The following HECTD4 variants were observed in gnomAD, a reference collection of about 807,000 sequenced individuals.
HECTD4 encodes the protein probable E3 ubiquitin-protein ligase HECTD4.
A neutral mutation model predicts 471.5 loss-of-function variants in HECTD4; 114 were observed. That is an observed-to-expected ratio of 0.24 (90% confidence interval 0.21 to 0.28). HECTD4 has a LOEUF of 0.28. HECTD4 is among the 10% of genes least tolerant of loss of function. The pLI, the probability that HECTD4 is intolerant of heterozygous loss-of-function variation, is 1.00. For missense variants in HECTD4, 3,866 were observed against 5,651.5 expected, an observed-to-expected ratio of 0.68 and a Z score of 10.13; for synonymous variants, 2,012 against 2,256.0, an observed-to-expected ratio of 0.89 and a Z score of 3.07.
rs542521476 is a variant in HECTD4, at chr12:112,360,045, T to C, written c.177+21907A>G. On this transcript the variant is annotated intron_variant, in intron 1 of 75. Coordinates refer to ENST00000682272, the MANE Select transcript of HECTD4 (RefSeq NM_001388303.1). ...TCTTCTGGTTTGGATGACAATCACA[T>C]GGACAAGAAGTTACAATGATCTTTC... is the stretch of plus-strand genomic sequence containing the variant. Among the ~76,000 whole-genome samples the C allele has an allele frequency of 1.5e-3, 226 of 152,358 alleles. 4 individuals are homozygous for C. The highest frequency in any genetic ancestry group is 4.6e-4 in the Non-Finnish European group (31 of 68,032).
At chr12:112,180,531 TAAAA>T (rs35992099) in intron 62 of HECTD4, among the ~76,000 whole-genome samples, 8 of 140,190 alleles carry the variant, frequency 5.7e-5, no homozygotes, top group Admixed American at 5.0e-4. Flanking sequence ...TGAGACTGTT[TAAAA>T]AAAAAAAAAC....
chr12:112,221,916 G>A (rs1325223910), intron 44 of HECTD4, among the ~76,000 whole-genome samples: 3 of 148,556 alleles, frequency 2.0e-5, no homozygotes, highest in Admixed American at 6.7e-5. Flanking sequence ...CCCCATGCTC[G>A]GCTGATTTTT....
At position 112,179,526 on chromosome 12, in the gene HECTD4, C is replaced by G; in HGVS notation, c.10988-129G>C. Reference sequence around the variant, plus strand: ...GGACATTAGTGGAAGGAAGAGCTGCCCACCAAAGCCTGGCTCCCTCCCTGG... The same window carrying G: ...GGACATTAGTGGAAGGAAGAGCTGCGCACCAAAGCCTGGCTCCCTCCCTGG... On this transcript the variant is annotated intron_variant, in intron 62 of 75. Transcript: ENST00000682272. The surrounding 1 kb of genome is among the most constrained non-coding windows in gnomAD (Gnocchi z 4.3). 1.2e-6 allele frequency: 1 copy of G among 846,118 alleles called. No individual in the cohort carries two copies. The highest frequency in any genetic ancestry group is 1.6e-5 in the South Asian group (1 of 62,246). The allele number at this position is 846,118 out of a possible 1,614,324, so 52.4% of individuals were successfully genotyped here. A position where few individuals can be genotyped will look rare whatever the true frequency, so the allele number is the denominator to read the frequency against.
intron 1 of HECTD4, among the ~76,000 whole-genome samples, chr12:112,335,167 G>GAC (rs1441996873): frequency 1.7e-4 from 21 of 126,526 alleles, no homozygotes; most frequent in East Asian, 1.2e-3. Flanking sequence ...CACACACACA[G>GAC]ACACACACAC....
Position 112,235,304 on chromosome 12 carries a change from A to C in HECTD4, c.5726-38T>G. 6.3e-7 allele frequency: 1 copy of C among 1,583,376 alleles called. No individual in the cohort carries two copies. The highest frequency in any genetic ancestry group is 8.6e-7 in the Non-Finnish European group (1 of 1,165,298). On this transcript the variant is annotated intron_variant, in intron 36 of 75. Coordinates refer to ENST00000682272, the MANE Select transcript of HECTD4 (RefSeq NM_001388303.1). The surrounding 1 kb of genome is among the most constrained non-coding windows in gnomAD (Gnocchi z 5.0). Reference sequence around the variant, plus strand: ...AACAAAGCTCATTCAGGAAAACTGCAGTGTTGTTTTGGCGGCTCTGCTAAA... The same window carrying C: ...AACAAAGCTCATTCAGGAAAACTGCCGTGTTGTTTTGGCGGCTCTGCTAAA...
chr12:112,353,402 T>C (rs1033819096), intron 1 of HECTD4, among the ~76,000 whole-genome samples: 5 of 152,260 alleles, frequency 3.3e-5, no homozygotes, highest in Non-Finnish European at 1.5e-5. Flanking sequence ...ACAGACTATT[T>C]TGTTTTTGTC....
intron 1 of HECTD4, among the ~76,000 whole-genome samples, chr12:112,363,041 T>C (rs1255046787): frequency 6.6e-6 from 1 of 152,090 alleles, no homozygotes; most frequent in Non-Finnish European, 1.5e-5. Flanking sequence ...TTTCAAAAAT[T>C]CCTCTAACAT....
chr12:112,222,354 G>A (rs531594038), intron 44 of HECTD4, among the ~76,000 whole-genome samples: 80 of 152,250 alleles, frequency 5.3e-4, no homozygotes, highest in African/African-American at 1.9e-3. Context: ...ACAGCACCTG[G>A]CCCTCATTTT....
At chr12:112,263,289 A>C (rs1341545366) in intron 17 of HECTD4, among the ~76,000 whole-genome samples, 2 of 152,238 alleles carry the variant, frequency 1.3e-5, no homozygotes, top group Non-Finnish European at 2.9e-5. Context: ...TAAAGGAGTA[A>C]GAAAGGGGCA....
chr12:112,287,736 A>G (rs2034784840), intron 7 of HECTD4, among the ~76,000 whole-genome samples: 1 of 152,008 alleles, frequency 6.6e-6, no homozygotes, highest in Non-Finnish European at 1.5e-5. Context: ...GTTAGAGACC[A>G]CAGTGAGACC....
At chr12:112,365,294 G>A (rs1380719673) in intron 1 of HECTD4, among the ~76,000 whole-genome samples, 2 of 152,118 alleles carry the variant, frequency 1.3e-5, no homozygotes, top group East Asian at 1.9e-4. Flanking sequence ...TATGCCTATA[G>A]TCCTAGCTGC....
In HECTD4 at chr12:112,184,434, G is replaced by A. The variant is rs781103325; in HGVS notation, c.10532C>T (p.Pro3511Leu). Residue 3511 changes from proline (P) to leucine (L), a missense_variant, in exon 61 of 76, where the codon CCG (proline) becomes CTG (leucine). Pro to Leu is a moderately conservative substitution (Grantham distance 98). Transcript: ENST00000682272. The surrounding 1 kb of genome is among the most constrained non-coding windows in gnomAD (Gnocchi z 9.1). ...GGGCAGCTCGAGGCCGGCAGGCAGC[G>A]GATCCACAGAGAGGTCGCTGACGGT... Reference protein sequence around the residue: ...SQTVSDLSVDPLPAGLELPIP... With the variant: ...SQTVSDLSVDLLPAGLELPIP... The A allele has an allele frequency of 4.3e-5, 69 of 1,605,726 alleles. No individual in the cohort carries two copies. Among genetic ancestry groups the A allele is most frequent in the Non-Finnish European group, 4.2e-5 (50 of 1,177,208 alleles).
chr12:112,274,734 A>C, intron 10 of HECTD4, 113 bp downstream of exon 10: 1 of 680,070 alleles, frequency 1.5e-6, no homozygotes, highest in Non-Finnish European at 2.5e-6. Flanking sequence ...CAAAACAAAA[A>C]ACGTCTTTCT....
intron 26 of HECTD4, 22 bp from the exon 27 acceptor site, chr12:112,248,193 A>T: frequency 6.3e-7 from 1 of 1,588,378 alleles, no homozygotes; most frequent in Non-Finnish European, 8.6e-7. Context: ...ATTAAAATAG[A>T]TGCAAAATAA....
At chr12:112,324,418 C>T (rs771775489) in intron 1 of HECTD4, among the ~76,000 whole-genome samples, 2 of 152,004 alleles carry the variant, frequency 1.3e-5, no homozygotes, top group African/African-American at 2.4e-5. Flanking sequence ...CTGCGCTCAG[C>T]TACTTACTTA....
rs1289610259 is a variant in HECTD4, at chr12:112,176,707, A to G, written c.11364-5T>C. The G allele has an allele frequency of 3.7e-6, 6 of 1,601,722 alleles. No homozygotes were observed. The highest frequency in any genetic ancestry group is 5.1e-6 in the Non-Finnish European group (6 of 1,168,788). On this transcript the variant is annotated splice_polypyrimidine_tract_variant and splice_region_variant and intron_variant, in intron 64 of 75. Coordinates refer to ENST00000682272, the MANE Select transcript of HECTD4 (RefSeq NM_001388303.1). ...TTCTCACTTAAGGCAGTCCTGCTGT[A>G]GACCAAAGCACTGGAATTAGACTAA...
chr12:112,244,129 A>G (rs1211013744), intron 29 of HECTD4, 120 bp from the exon 30 acceptor site: 3 of 959,792 alleles, frequency 3.1e-6, no homozygotes, highest in African/African-American at 1.7e-5. Flanking sequence ...TCAGCCACCA[A>G]TCTAGCTAGC....
rs369704150 is a variant in HECTD4, at chr12:112,249,109, C to A, written c.3951-597G>T. 3.2e-4 allele frequency among the ~76,000 whole-genome samples: 48 copies of A among 152,238 alleles called. No homozygotes were observed. In the East Asian group the frequency reaches 5.6e-3, roughly 18 times the overall value. On this transcript the variant is annotated intron_variant, in intron 25 of 75. Coordinates refer to ENST00000682272, the MANE Select transcript of HECTD4 (RefSeq NM_001388303.1). ...GAGACTTCAGCCTGTAATCCTAGCA[C>A]TTTGGGAGGCTGAGGCTGGCGAATC... is the stretch of plus-strand genomic sequence containing the variant.
Position 112,173,383 on chromosome 12 carries a change from TTTTATTTTTATTTA to T in HECTD4, c.11595-536_11595-523del, listed in dbSNP as rs2031306083. Among the ~76,000 whole-genome samples the T allele has an allele frequency of 6.6e-6, 1 of 151,910 alleles. No homozygotes were observed. The highest frequency in any genetic ancestry group is 2.1e-4 in the South Asian group (1 of 4,814). Reference sequence around the variant, plus strand: ...TTTTAAAATTTTAATTTTTTAATTTTTTTATTTTTATTTATTTATTTTTTGAGATGGAGTCTCGC... The same window carrying T: ...TTTTAAAATTTTAATTTTTTAATTTTTTTATTTTTTGAGATGGAGTCTCGC... On this transcript the variant is annotated intron_variant, in intron 66 of 75. Coordinates refer to ENST00000682272, the MANE Select transcript of HECTD4 (RefSeq NM_001388303.1). The surrounding 1 kb of genome is among the most constrained non-coding windows in gnomAD (Gnocchi z 4.3).
Sources: gnomAD v4.1 joint callset for allele counts (sites outside exome capture counted in the v4.1 genomes callset) on GRCh38, gnomAD v4.1.1 for gene constraint, Gnocchi (gnomAD v3.1) non-coding constraint, MANE v1.5 for transcripts, NCBI Gene and HGNC (gene_info 2026-07-23, HGNC 2026-07-21) for gene names.